Variants in ABCC1 observed in about 807,000 individuals in gnomAD.
The protein encoded by ABCC1 is ATP binding cassette subfamily C member 1 (ABCC1 blood group).
A neutral mutation model predicts 172.9 loss-of-function variants in ABCC1; 83 were observed. The observed-to-expected ratio is 0.48, with a 90% CI of 0.40 to 0.58. The LOEUF is 0.58. Among genes scored for constraint, ABCC1 ranks in the 20% least tolerant of loss-of-function variants. The probability of loss-of-function intolerance (pLI) is 0.00; values close to 1 mark genes in which losing one functional copy is unlikely to be tolerated. For synonymous variants in ABCC1, 937 were observed against 825.2 expected, an observed-to-expected ratio of 1.14 and a Z score of -2.32; for missense variants, 1,817 against 2,002.7, an observed-to-expected ratio of 0.91 and a Z score of 1.77.
In ABCC1 at chr16:16,122,173, AGGTGGGCAT is replaced by A. The variant is rs1383761302; in HGVS notation, c.3590+7_3590+15del. On this transcript the variant is annotated splice_donor_variant and splice_donor_5th_base_variant and coding_sequence_variant and intron_variant, in exon 24 of 31. Coordinates refer to ENST00000399410, the MANE Select transcript of ABCC1 (RefSeq NM_004996.4). LOFTEE classifies it high-confidence loss of function. ...CTATTACCCCAGCATCGTGGCCAAC[AGGTGGGCAT>A]GGTGGGCCTGCAGGAGCGGGTGGAG... 3.1e-6 allele frequency: 5 copies of A among 1,613,968 alleles called. No individual in the cohort carries two copies. The highest frequency in any genetic ancestry group is 4.2e-6 in the Non-Finnish European group (5 of 1,179,968).
At chr16:16,010,960 A>G (rs1188709528) in intron 3 of ABCC1, among the ~76,000 whole-genome samples, 2 of 152,146 alleles carry the variant, frequency 1.3e-5, no homozygotes, top group African/African-American at 4.8e-5. Context: ...GAGGCTGGGC[A>G]TCGTGGCTCA....
At chr16:16,033,687 G>T (rs1250335163) in intron 6 of ABCC1, among the ~76,000 whole-genome samples, 1 of 151,938 alleles carries the variant, frequency 6.6e-6, no homozygotes. Context: ...TACTCTGTCA[G>T]TCTCAGCTCA....
At chr16:16,009,023 A>C (rs1236295084) in intron 2 of ABCC1, among the ~76,000 whole-genome samples, 3 of 151,086 alleles carry the variant, frequency 2.0e-5, no homozygotes, top group African/African-American at 4.9e-5. Flanking sequence ...TGATCACAGC[A>C]TACTGCAACC....
At chr16:15,989,059 ACT>A (rs947947708) in intron 1 of ABCC1, among the ~76,000 whole-genome samples, 3 of 105,022 alleles carry the variant, frequency 2.9e-5, no homozygotes, top group Non-Finnish European at 5.9e-5. Context: ...ACAGAGCAAG[ACT>A]CTGTCTCAAA....
At chr16:15,984,594 G>A (rs559484343) in intron 1 of ABCC1, among the ~76,000 whole-genome samples, 14 of 151,750 alleles carry the variant, frequency 9.2e-5, no homozygotes, top group Non-Finnish European at 1.6e-4. Context: ...AGGTGTGTGC[G>A]CCACCAAGCT....
At position 16,138,524 on chromosome 16, in the gene ABCC1, G is replaced by A. The variant is rs375879039; in HGVS notation, c.4453G>A (p.Ala1485Thr). Residue 1485 changes from alanine to threonine, a missense_variant, in exon 30 of 31, where the codon GCC becomes ACC. Transcript: ENST00000399410. ...QFEDCTVLTI[A>T]HRLNTIMDYT... Reference sequence around the variant, plus strand: ...CGAGGACTGCACCGTCCTCACCATCGCCCACCGGCTCAACACCATCATGGA... The same window carrying A: ...CGAGGACTGCACCGTCCTCACCATCACCCACCGGCTCAACACCATCATGGA... The A allele has an allele frequency of 4.4e-6, 7 of 1,577,500 alleles. No homozygotes were observed. Among genetic ancestry groups the A allele is most frequent in the South Asian group, 1.1e-5 (1 of 87,154 alleles).
At chr16:16,062,800 G>A (rs867834311) in intron 12 of ABCC1, among the ~76,000 whole-genome samples, 5 of 152,192 alleles carry the variant, frequency 3.3e-5, no homozygotes, top group South Asian at 2.1e-4. Flanking sequence ...CACAGAGGCC[G>A]GGGAAGGCCA....
chr16:16,110,667 G>A (rs2052346498), intron 21 of ABCC1, among the ~76,000 whole-genome samples: 1 of 152,098 alleles, frequency 6.6e-6, no homozygotes, highest in Non-Finnish European at 1.5e-5. Flanking sequence ...GGGATCACAG[G>A]CATGAGCCAC....
intron 29 of ABCC1, among the ~76,000 whole-genome samples, chr16:16,137,886 A>G (rs538441700): frequency 6.6e-6 from 1 of 150,620 alleles, no homozygotes; most frequent in South Asian, 2.1e-4. Flanking sequence ...TTTTTAAGAG[A>G]CAGTGTCTCA....
chr16:16,085,984 A>AT (rs1450158158), intron 17 of ABCC1, among the ~76,000 whole-genome samples: 1 of 152,066 alleles, frequency 6.6e-6, no homozygotes, highest in Non-Finnish European at 1.5e-5. Flanking sequence ...TGTGGGCTGG[A>AT]TTTCAGCATC....
intron 5 of ABCC1, among the ~76,000 whole-genome samples, chr16:16,029,021 T>C (rs1374686914): frequency 6.6e-6 from 1 of 152,070 alleles, no homozygotes; most frequent in East Asian, 1.9e-4. Context: ...CCCTAGGCAC[T>C]TGGCACTTAA....
intron 11 of ABCC1, among the ~76,000 whole-genome samples, chr16:16,055,863 A>C (rs2049628081): frequency 6.6e-6 from 1 of 151,252 alleles, no homozygotes; most frequent in Non-Finnish European, 1.5e-5. Context: ...GGTGAAGTTG[A>C]GGCCCAGTGC....
At position 16,134,400 on chromosome 16, in the gene ABCC1, C is replaced by T; in HGVS notation, c.4017C>T (p.Gly1339=). ...TGAGKSSLTL[G]LFRINESAEG... ...CTGGGAAGTCGTCCCTGACCCTGGGCTTATTTCGGATCAACGAGTCTGCCG... is the reference window on the plus strand; with the variant it reads ...CTGGGAAGTCGTCCCTGACCCTGGGTTTATTTCGGATCAACGAGTCTGCCG... The change falls in exon 28 of 31, where the codon GGC becomes GGT. Residue 1339 remains glycine, a synonymous_variant. Transcript: ENST00000399410. 1 of 1,614,110 alleles carries T rather than the reference C, an allele frequency of 6.2e-7. No individual in the cohort carries two copies. Among genetic ancestry groups the T allele is most frequent in the South Asian group, 1.1e-5 (1 of 91,080 alleles).
Position 16,111,384 on chromosome 16 carries a change from T to C in ABCC1, c.2881T>C (p.Ser961Pro), listed in dbSNP as rs747819189. 3.2e-5 allele frequency: 51 copies of C among 1,613,982 alleles called. No individual in the cohort carries two copies. The highest frequency in any genetic ancestry group is 4.2e-5 in the Non-Finnish European group (49 of 1,179,992). ...DKAQTGQVKL[S>P]VYWDYMKAIG... ...CTCCTGTGATCTCCAGGTCAAGCTTTCCGTGTACTGGGACTACATGAAGGC... is the reference window on the plus strand; with the variant it reads ...CTCCTGTGATCTCCAGGTCAAGCTTCCCGTGTACTGGGACTACATGAAGGC... The change falls in exon 22 of 31, where the codon TCC becomes CCC. Residue 961 changes from serine (S) to proline (P), a missense_variant. By Grantham distance (74) the Ser-to-Pro change is moderately conservative (BLOSUM62 -1). Transcript: ENST00000399410.
intron 22 of ABCC1, among the ~76,000 whole-genome samples, chr16:16,113,080 T>C (rs1302757021): frequency 6.6e-6 from 1 of 152,144 alleles, no homozygotes; most frequent in Non-Finnish European, 1.5e-5. Context: ...GTGGATTGTT[T>C]GAGAGAAGCA....
intron 26 of ABCC1, among the ~76,000 whole-genome samples, chr16:16,131,085 C>T (rs1055862321): frequency 1.3e-5 from 2 of 152,010 alleles, no homozygotes; most frequent in African/African-American, 4.8e-5. Flanking sequence ...CATGCCATTG[C>T]ACTCCAGCCT....
At chr16:15,980,757 C>T (rs2046603705) in intron 1 of ABCC1, among the ~76,000 whole-genome samples, 1 of 152,168 alleles carries the variant, frequency 6.6e-6, no homozygotes, top group Non-Finnish European at 1.5e-5. Flanking sequence ...CATGTCCTCA[C>T]ATTTCAAAAC....
At chr16:16,124,683 GTTAC>G in intron 24 of ABCC1, 102 bp from the exon 25 acceptor site, 1 of 1,499,804 alleles carries the variant, frequency 6.7e-7, no homozygotes, top group Non-Finnish European at 9.1e-7. Context: ...TTACTGCGGA[GTTAC>G]TTGAGTTAGC....
At chr16:16,070,671 G>A (rs988107931) in intron 13 of ABCC1, among the ~76,000 whole-genome samples, 2 of 151,960 alleles carry the variant, frequency 1.3e-5, no homozygotes, top group Admixed American at 1.3e-4. Flanking sequence ...TCTCAAAAAC[G>A]AACAAAAAAA....
Sources: gnomAD v4.1 joint callset for allele counts (sites outside exome capture counted in the v4.1 genomes callset) on GRCh38, gnomAD v4.1.1 for gene constraint, MANE v1.5 for transcripts, NCBI Gene and HGNC (gene_info 2026-07-23, HGNC 2026-07-21) for gene names.